SHOC1: variants seen among roughly 807,000 people sequenced by gnomAD.
SHOC1 encodes protein shortage in chiasmata 1 ortholog.
SHOC1 carries 136 observed loss-of-function variants against 179.2 expected under a neutral mutation model. The observed-to-expected ratio is 0.76, with a 90% CI of 0.66 to 0.87. SHOC1 has a LOEUF of 0.87. Ranked by LOEUF, SHOC1 falls within the 40% of genes least tolerant of loss-of-function variation. The pLI is 0.00. For missense variants in SHOC1, 1,538 were observed against 1,700.8 expected, an observed-to-expected ratio of 0.90 and a Z score of 1.68; for synonymous variants, 489 against 586.6, an observed-to-expected ratio of 0.83 and a Z score of 2.41.
intron 26 of SHOC1, among the ~76,000 whole-genome samples, chr9:111,692,794 A>G (rs1475683462): frequency 2.0e-5 from 3 of 152,218 alleles, no homozygotes; most frequent in Non-Finnish European, 2.9e-5. Flanking sequence ...TACAATTCAT[A>G]CATGAATACT....
At chr9:111,792,887 C>CTT (rs557546500) in intron 1 of SHOC1, among the ~76,000 whole-genome samples, 25,979 of 145,750 alleles carry the variant, frequency 0.18, 2,502 homozygotes, top group Non-Finnish European at 0.22. Context: ...TATCACTGAT[C>CTT]TTTTTTTTTT....
chr9:111,724,782 T>C (rs1833223619), intron 13 of SHOC1, among the ~76,000 whole-genome samples: 1 of 152,210 alleles, frequency 6.6e-6, no homozygotes, highest in Non-Finnish European at 1.5e-5. Flanking sequence ...TGTGAAGACT[T>C]CTTTACTGGT....
chr9:111,725,261 G>C (rs906121694), intron 13 of SHOC1, among the ~76,000 whole-genome samples: 6 of 152,104 alleles, frequency 3.9e-5, no homozygotes, highest in Non-Finnish European at 7.4e-5. Flanking sequence ...AGAATTTATA[G>C]TATTTCTTGC....
chr9:111,758,263 A>C, intron 6 of SHOC1, 68 bp from the exon 7 acceptor site: 2 of 783,326 alleles, frequency 2.6e-6, no homozygotes, highest in Admixed American at 3.3e-5. Context: ...GCCAACCAAA[A>C]CACATAATCA....
At chr9:111,776,850 A>G (rs557962875) in intron 4 of SHOC1, among the ~76,000 whole-genome samples, 97 of 152,302 alleles carry the variant, frequency 6.4e-4, no homozygotes, top group African/African-American at 2.2e-3. Flanking sequence ...CAACGGGTTC[A>G]CCTTGCCCGC....
At chr9:111,765,671 G>C (rs577003259) in intron 5 of SHOC1, among the ~76,000 whole-genome samples, 1 of 152,096 alleles carries the variant, frequency 6.6e-6, no homozygotes, top group South Asian at 2.1e-4. Flanking sequence ...CTTTCTTTTT[G>C]TATTTTTATA....
intron 22 of SHOC1, among the ~76,000 whole-genome samples, chr9:111,702,883 G>A (rs1832047982): frequency 6.6e-6 from 1 of 152,188 alleles, no homozygotes; most frequent in East Asian, 1.9e-4. Context: ...GCTGAAGTGA[G>A]AGGATCACTT....
chr9:111,705,098 T>C (rs1382344275), intron 21 of SHOC1, 149 bp downstream of exon 21: 1 of 391,122 alleles, frequency 2.6e-6, no homozygotes, highest in Admixed American at 4.5e-5. Flanking sequence ...TTTTGTGATA[T>C]AATTCCAGGC....
intron 3 of SHOC1, among the ~76,000 whole-genome samples, chr9:111,782,331 C>T (rs1256582030): frequency 6.6e-6 from 1 of 152,154 alleles, no homozygotes; most frequent in Non-Finnish European, 1.5e-5. Context: ...AACATCTCAA[C>T]CTTTTTGCAC....
intron 5 of SHOC1, among the ~76,000 whole-genome samples, chr9:111,765,796 C>A (rs947084742): frequency 5.9e-5 from 9 of 151,884 alleles, no homozygotes; most frequent in African/African-American, 2.2e-4. Context: ...TCACTGCAAC[C>A]TCTGCCTCCC....
At chr9:111,788,967 G>GTCT (rs1352625342) in intron 2 of SHOC1, among the ~76,000 whole-genome samples, 1 of 151,972 alleles carries the variant, frequency 6.6e-6, no homozygotes, top group Non-Finnish European at 1.5e-5. Flanking sequence ...TAACACCATG[G>GTCT]TCTACACTGT....
At chr9:111,725,246 G>T (rs1337801792) in intron 13 of SHOC1, among the ~76,000 whole-genome samples, 2 of 152,044 alleles carry the variant, frequency 1.3e-5, no homozygotes, top group African/African-American at 2.4e-5. Context: ...TTTTGAGGGG[G>T]TCTAAGAATT....
At chr9:111,731,822 T>C (rs1833583440) in intron 12 of SHOC1, among the ~76,000 whole-genome samples, 1 of 152,196 alleles carries the variant, frequency 6.6e-6, no homozygotes. Context: ...ATTCATGTTT[T>C]ATATTTTTGA....
chr9:111,704,425 C>T (rs941600719), intron 21 of SHOC1, among the ~76,000 whole-genome samples: 1 of 152,020 alleles, frequency 6.6e-6, no homozygotes, highest in Non-Finnish European at 1.5e-5. Flanking sequence ...CTCTGTTGCC[C>T]AGCCTGGAGT....
chr9:111,767,685 A>T (rs895906848), intron 5 of SHOC1, among the ~76,000 whole-genome samples: 5 of 152,050 alleles, frequency 3.3e-5, no homozygotes, highest in African/African-American at 7.2e-5. Context: ...TTGTGATTCC[A>T]TTTAAATTTT....
Position 111,705,315 on chromosome 9 carries a change from A to G in SHOC1, c.2787T>C (p.Ile929=). Residue 929 remains isoleucine (I), a synonymous_variant, in exon 21 of 28, where the codon ATT becomes ATC. Coordinates refer to ENST00000682961, the MANE Select transcript of SHOC1 (RefSeq NM_001378211.1). ...RFGGFLLEIQ[I]PYVFFASEGL... ...CTTCAGATGCAAAAAACACATATGGAATCTGAATTTCCAAAAGAAAACCTC... is the reference window on the plus strand; with the variant it reads ...CTTCAGATGCAAAAAACACATATGGGATCTGAATTTCCAAAAGAAAACCTC... 1 of 1,593,572 alleles carries G rather than the reference A, an allele frequency of 6.3e-7. No homozygotes were observed. The highest frequency in any genetic ancestry group is 2.3e-5 in the East Asian group (1 of 43,660).
chr9:111,764,938 C>T (rs982568642), intron 5 of SHOC1, among the ~76,000 whole-genome samples: 2 of 151,660 alleles, frequency 1.3e-5, no homozygotes, highest in East Asian at 1.9e-4. Flanking sequence ...GTCAGGAGTT[C>T]GAGACCAGCC....
intron 17 of SHOC1, 100 bp downstream of exon 17, chr9:111,714,345 A>C: frequency 8.7e-7 from 1 of 1,156,056 alleles, no homozygotes; most frequent in Non-Finnish European, 1.3e-6. Flanking sequence ...ACTAAGTAGT[A>C]TAGACTACTT....
intron 18 of SHOC1, among the ~76,000 whole-genome samples, chr9:111,709,213 A>G (rs1832417274): frequency 6.6e-6 from 1 of 152,182 alleles, no homozygotes. Context: ...ATGGTGGCGC[A>G]GGCCTGTAAT....
Sources: gnomAD v4.1 joint callset for allele counts (sites outside exome capture counted in the v4.1 genomes callset) on GRCh38, gnomAD v4.1.1 for gene constraint, MANE v1.5 for transcripts, NCBI Gene and HGNC (gene_info 2026-07-23, HGNC 2026-07-21) for gene names.